Variants in GPR137 observed in about 807,000 individuals in gnomAD.
GPR137 encodes the protein integral membrane protein GPR137.
Under a neutral mutation model 38.9 loss-of-function variants are expected in GPR137, and 20 were observed. That is an observed-to-expected ratio of 0.51 (90% CI 0.36 to 0.75). GPR137 has a LOEUF of 0.75. Among genes scored for constraint, GPR137 ranks in the 30% least tolerant of loss-of-function variants. GPR137 has a pLI of 0.00. For missense variants in GPR137, 456 were observed against 526.4 expected (o/e 0.87, Z 1.31); for synonymous variants, 226 against 235.8 (o/e 0.96, Z 0.38).
At chr11:64,276,298 T>TTGTGTGTGTATGTATGTG (rs55795317) in intron 1 of GPR137, 2 of 146,068 alleles carry the variant, frequency 1.4e-5, no homozygotes, top group Non-Finnish European at 1.5e-5. Flanking sequence ...GTGTATATAT[T>TTGTGTGTGTATGTATGTG]TGTGTGTGTG....
upstream of GPR137, chr11:64,271,958 G>T: frequency 2.0e-6 from 1 of 494,176 alleles, no homozygotes; most frequent in Non-Finnish European, 3.2e-6. Context: ...TCCCTTGTAT[G>T]TGAATCGAGG....
chr11:64,287,218 G>A, intron 2 of GPR137: 1 of 985,340 alleles, frequency 1.0e-6, no homozygotes, highest in Non-Finnish European at 1.2e-6. Context: ...AGGAATGCTT[G>A]TGGTAGTGTG....
At chr11:64,283,394 C>T (rs754838942), upstream of GPR137, among the ~76,000 whole-genome samples, 4 of 152,202 alleles carry the variant, frequency 2.6e-5, no homozygotes, top group Non-Finnish European at 5.9e-5. Context: ...TTCCAGGTGC[C>T]AAGGCCAGTG....
At chr11:64,284,633 C>G (rs767287994), upstream of GPR137, 5 of 1,528,268 alleles carry the variant, frequency 3.3e-6, no homozygotes, top group South Asian at 4.8e-5. Context: ...GGTCTCACCC[C>G]AAGCCCGATC....
upstream of GPR137, chr11:64,271,783 G>A (rs2032640401): frequency 4.4e-6 from 6 of 1,365,788 alleles, no homozygotes; most frequent in East Asian, 1.1e-4. Context: ...TGGCGACTCC[G>A]GATCTCCACA....
chr11:64,280,226 A>G (rs1470460237), upstream of GPR137, among the ~76,000 whole-genome samples: 3 of 150,768 alleles, frequency 2.0e-5, no homozygotes, highest in Non-Finnish European at 4.4e-5. Context: ...AGGCTGAGGC[A>G]GGAGAATGGC....
At chr11:64,281,749 TCTCA>T (rs1219826715), upstream of GPR137, among the ~76,000 whole-genome samples, 1 of 152,078 alleles carries the variant, frequency 6.6e-6, no homozygotes. Flanking sequence ...TTGAGATGAG[TCTCA>T]CTCTGTCGCC....
In GPR137 at chr11:64,286,983, G is replaced by A; in HGVS notation, c.376G>A (p.Val126Met). 1.2e-6 allele frequency: 2 copies of A among 1,613,958 alleles called. No individual in the cohort carries two copies. The highest frequency in any genetic ancestry group is 1.1e-5 in the South Asian group (1 of 91,084). ...YFAQVVFKAK[V>M]KRRPEMSRGL... ...CTCCTAGGTGGTGTTCAAGGCCAAG[G>A]TGAAGCGTCGGCCGGAGATGAGCCG... is the stretch of plus-strand genomic sequence containing the variant. The change falls in exon 2 of 7, where the codon GTG (valine) becomes ATG (methionine). Residue 126 changes from valine to methionine, a missense_variant. Transcript: ENST00000438980.
upstream of GPR137, among the ~76,000 whole-genome samples, chr11:64,280,881 T>G (rs1444341811): frequency 6.6e-6 from 1 of 151,150 alleles, no homozygotes; most frequent in East Asian, 2.0e-4. Flanking sequence ...TTGGCCAGGC[T>G]GTTCTTGAAC....
In GPR137 at chr11:64,289,322, C is replaced by A; in HGVS notation, c.*126C>A. The A allele has an allele frequency of 6.2e-7, 1 of 1,607,808 alleles. No homozygotes were observed. The highest frequency in any genetic ancestry group is 1.1e-5 in the South Asian group (1 of 90,170). The stretch of plus-strand genomic sequence containing the variant: ...CGTGGCTACCCCCTCCTCTGGCCGG[C>A]TCCTTGCTGCTCCTGTCATAGTGAG... On this transcript the variant is annotated 3_prime_UTR_variant, in exon 7 of 7. Coordinates refer to ENST00000438980, the MANE Select transcript of GPR137 (RefSeq NM_001170880.2).
At chr11:64,285,481 TG>T, upstream of GPR137, 1 of 984,834 alleles carries the variant, frequency 1.0e-6, no homozygotes, top group South Asian at 4.7e-5. Flanking sequence ...GGGGCCATCT[TG>T]GCTATGGGCG....
chr11:64,283,994 CCTG>C (rs1317389884), upstream of GPR137, among the ~76,000 whole-genome samples: 2 of 152,210 alleles, frequency 1.3e-5, no homozygotes, highest in African/African-American at 2.4e-5. Context: ...CCTATATGTT[CCTG>C]CTAATTAACT....
In GPR137 at chr11:64,285,930, G is replaced by A; in HGVS notation, c.-595G>A. The A allele has an allele frequency of 1.0e-6, 1 of 964,202 alleles. No individual in the cohort carries two copies. The highest frequency in any genetic ancestry group is 1.2e-6 in the Non-Finnish European group (1 of 810,632). The allele number at this position is 964,202 out of a possible 1,614,324, so 59.7% of individuals were successfully genotyped here. Reference sequence around the variant, plus strand: ...CCCATCAGCGGCCTGAGGACCTGGCGTCCGCCTCCTCCCTCCCCTTGAGGC... The same window carrying A: ...CCCATCAGCGGCCTGAGGACCTGGCATCCGCCTCCTCCCTCCCCTTGAGGC... On this transcript the variant is annotated 5_prime_UTR_variant, in exon 1 of 7. Coordinates refer to ENST00000438980, the MANE Select transcript of GPR137 (RefSeq NM_001170880.2).
upstream of GPR137, among the ~76,000 whole-genome samples, chr11:64,280,998 T>C (rs2033431793): frequency 6.6e-6 from 1 of 151,750 alleles, no homozygotes; most frequent in Non-Finnish European, 1.5e-5. Context: ...GACGGAATCT[T>C]GCTCTGTCAC....
chr11:64,284,265 C>T, upstream of GPR137: 1 of 1,611,360 alleles, frequency 6.2e-7, no homozygotes. Context: ...ATGATGCTTG[C>T]CGGAGCCTGA....
At position 64,286,878 on chromosome 11, in the gene GPR137, C is replaced by T; in HGVS notation, c.354C>T (p.Ala118=). Residue 118 remains alanine (A), a synonymous_variant, in exon 1 of 7, where the codon GCC becomes GCT. Coordinates refer to ENST00000438980, the MANE Select transcript of GPR137 (RefSeq NM_001170880.2). ...TGACGCTTATGAACCTCTACTTTGC[C>T]CAGGTAACCAACTGTGGTCCCGGGT... is the stretch of plus-strand genomic sequence containing the variant. ...FTLTLMNLYF[A]QVVFKAKVKR... is the part of the protein sequence containing the mutation. The T allele has an allele frequency of 6.2e-7, 1 of 1,606,314 alleles. No homozygotes were observed. The highest frequency in any genetic ancestry group is 8.5e-7 in the Non-Finnish European group (1 of 1,174,544).
At chr11:64,273,041 C>A (rs931388176), upstream of GPR137, among the ~76,000 whole-genome samples, 2 of 151,902 alleles carry the variant, frequency 1.3e-5, no homozygotes, top group African/African-American at 4.8e-5. Flanking sequence ...GCCTAGGCAA[C>A]ATTGCAAAAC....
Position 64,289,456 on chromosome 11 carries a change from C to T in GPR137, c.*260C>T. 2 of 1,502,336 alleles carry T rather than the reference C, an allele frequency of 1.3e-6. No individual in the cohort carries two copies. Among genetic ancestry groups the T allele is most frequent in the Non-Finnish European group, 1.8e-6 (2 of 1,131,738 alleles). 93.1% of individuals were successfully genotyped at this position (1,502,336 alleles called of 1,614,324 possible). On this transcript the variant is annotated 3_prime_UTR_variant, in exon 7 of 7. Coordinates refer to ENST00000438980, the MANE Select transcript of GPR137 (RefSeq NM_001170880.2). ...TCCACACCGGAGCCAGCTACCTCTC[C>T]TGTGCCTGCCACTCAATAAACAGTG...
At chr11:64,284,526 G>A, upstream of GPR137, 1 of 1,530,860 alleles carries the variant, frequency 6.5e-7, no homozygotes, top group Non-Finnish European at 8.7e-7. Context: ...GCCGGGTCTG[G>A]CCTGGCAGGG....
Sources: gnomAD v4.1 joint callset for allele counts (sites outside exome capture counted in the v4.1 genomes callset) on GRCh38, gnomAD v4.1.1 for gene constraint, MANE v1.5 for transcripts, NCBI Gene and HGNC (gene_info 2026-07-23, HGNC 2026-07-21) for gene names.